Variants in PCDHGA3 observed in about 807,000 individuals in gnomAD.
The protein encoded by PCDHGA3 is protocadherin gamma subfamily A, 3.
In PCDHGA3, 40 loss-of-function variants were observed where a neutral mutation model predicts 58.5. That is an observed-to-expected ratio of 0.68 (90% CI 0.53 to 0.89). PCDHGA3 has a LOEUF of 0.89. PCDHGA3 is among the 40% of genes least tolerant of loss of function. The pLI is 0.00. For missense variants in PCDHGA3, 1,223 were observed against 1,195.9 expected, an observed-to-expected ratio of 1.02 and a Z score of -0.33; for synonymous variants, 530 against 525.7, an observed-to-expected ratio of 1.01 and a Z score of -0.11.
At chr5:141,410,849 C>CTTTTTCT (rs2095432763) in intron 1 of PCDHGA3, 1 of 129,786 alleles carries the variant, frequency 7.7e-6, no homozygotes, top group Non-Finnish European at 1.3e-5. Flanking sequence ...TTGTCTTTGT[C>CTTTTTCT]TTTTTTTTTT....
At chr5:141,480,781 G>A (rs2099525581) in intron 1 of PCDHGA3, among the ~76,000 whole-genome samples, 1 of 152,174 alleles carries the variant, frequency 6.6e-6, no homozygotes, top group Admixed American at 6.5e-5. Flanking sequence ...CTAATGTGCA[G>A]ACAAATTTGA....
At chr5:141,402,788 C>A in intron 1 of PCDHGA3, 1 of 937,148 alleles carries the variant, frequency 1.1e-6, no homozygotes, top group Non-Finnish European at 1.5e-6. Flanking sequence ...AGTTCTGCGG[C>A]TACACAAAAC....
At chr5:141,448,000 C>T (rs1363676731) in intron 1 of PCDHGA3, among the ~76,000 whole-genome samples, 3 of 151,840 alleles carry the variant, frequency 2.0e-5, no homozygotes, top group Non-Finnish European at 4.4e-5. Flanking sequence ...GCATGAGAAT[C>T]GCTTGAACCC....
rs765534200 is a variant in PCDHGA3 at position 141,410,067 on chromosome 5, G to A, written c.2424+63610G>A. 8.1e-6 allele frequency: 13 copies of A among 1,612,846 alleles called. No individual in the cohort carries two copies. In the South Asian group the frequency reaches 1.3e-4, roughly 16 times the overall value. ...CCCGGACTCTTCAGCCTGGGGCTGC[G>A]CACTGGGGAGGTGCGCACGGCTCGA... is the stretch of plus-strand genomic sequence containing the variant. On this transcript the variant is annotated intron_variant, in intron 1 of 3. Transcript: ENST00000253812.
In PCDHGA3 at chr5:141,422,062, A is replaced by G. The variant is rs776838280; in HGVS notation, c.2425-72745A>G. The G allele has an allele frequency of 1.2e-6, 2 of 1,612,022 alleles. No individual in the cohort carries two copies. The highest frequency in any genetic ancestry group is 2.7e-5 in the African/African-American group (2 of 74,802). ...AGACGAGGGAATCAACGGGGAAGTAATGTATTCATTTCGGAACATGGAAAG... is the reference window on the plus strand; with the variant it reads ...AGACGAGGGAATCAACGGGGAAGTAGTGTATTCATTTCGGAACATGGAAAG... On this transcript the variant is annotated intron_variant, in intron 1 of 3. Transcript: ENST00000253812.
intron 1 of PCDHGA3, chr5:141,418,610 C>T: frequency 6.2e-7 from 1 of 1,614,054 alleles, no homozygotes; most frequent in Non-Finnish European, 8.5e-7. Context: ...CAGGGTTAGC[C>T]TTCGGGAAGA....
Position 141,385,136 on chromosome 5 carries a change from T to C in PCDHGA3, c.2424+38679T>C, listed in dbSNP as rs760226388. The C allele has an allele frequency of 1.2e-6, 2 of 1,614,180 alleles. No individual in the cohort carries two copies. Among genetic ancestry groups the C allele is most frequent in the Middle Eastern group, 1.6e-4 (1 of 6,062 alleles). ...TCGCACTTTGTGGGCATGGACGGGG[T>C]GCAGGCTTTCCTGCAGACCTATTCC... On this transcript the variant is annotated intron_variant, in intron 1 of 3. Transcript: ENST00000253812.
At chr5:141,494,223 C>T (rs1435042163) in intron 1 of PCDHGA3, among the ~76,000 whole-genome samples, 2 of 152,192 alleles carry the variant, frequency 1.3e-5, no homozygotes, top group African/African-American at 4.8e-5. Context: ...TGGCATGACT[C>T]CTAAATTAAT....
intron 1 of PCDHGA3, among the ~76,000 whole-genome samples, chr5:141,425,336 G>A (rs2096868804): frequency 6.6e-6 from 1 of 152,182 alleles, no homozygotes; most frequent in South Asian, 2.1e-4. Flanking sequence ...CAAAAAGGAA[G>A]GGTTGGCTTT....
Position 141,344,683 on chromosome 5 carries a change from G to C in PCDHGA3, c.650G>C (p.Gly217Ala). 2 of 1,613,978 alleles carry C rather than the reference G, an allele frequency of 1.2e-6. No individual in the cohort carries two copies. Among genetic ancestry groups the C allele is most frequent in the Non-Finnish European group, 1.7e-6 (2 of 1,179,902 alleles). The change falls in exon 1 of 4, where the codon GGT becomes GCT. Residue 217 changes from glycine (G) to alanine (A), a missense_variant. Physicochemically the swap from Gly to Ala is moderately conservative, Grantham distance 60. Around this residue, in one of 3 missense-constraint regions of PCDHGA3, gnomAD observed 791 missense variants for 708.5 expected, o/e 1.12. Coordinates refer to ENST00000253812, the MANE Select transcript of PCDHGA3 (RefSeq NM_018916.4). ...CAGCTTGTCCTGGTTGCCTCTGATG[G>C]TGGCGACCCTGTCCACTCTGGCAAC... ...IHQLVLVASD[G>A]GDPVHSGNLH... is the part of the protein sequence containing the mutation.
At chr5:141,438,957 CACCCTGCCA>C (rs1022731551) in intron 1 of PCDHGA3, among the ~76,000 whole-genome samples, 2 of 152,144 alleles carry the variant, frequency 1.3e-5, no homozygotes, top group East Asian at 3.9e-4. Flanking sequence ...TGAGCCACCG[CACCCTGCCA>C]ACTGTCTGAC....
intron 1 of PCDHGA3, among the ~76,000 whole-genome samples, chr5:141,437,076 A>G (rs1018228245): frequency 6.6e-6 from 1 of 152,236 alleles, no homozygotes; most frequent in African/African-American, 2.4e-5. Flanking sequence ...TTTGGGCCAT[A>G]TAAGAATTGA....
At chr5:141,460,546 C>A (rs182506898) in intron 1 of PCDHGA3, among the ~76,000 whole-genome samples, 51 of 152,152 alleles carry the variant, frequency 3.4e-4, no homozygotes, top group African/African-American at 1.1e-3. Context: ...GCACCTTAAT[C>A]AAAAATCATT....
chr5:141,442,047 G>A (rs186626119), intron 1 of PCDHGA3: 64 of 202,912 alleles, frequency 3.2e-4, no homozygotes, highest in Admixed American at 9.3e-4. Context: ...GCGCCTACTG[G>A]TCGCGGTGCA....
At position 141,393,312 on chromosome 5, in the gene PCDHGA3, C is replaced by T. The variant is rs1308410982; in HGVS notation, c.2424+46855C>T. 8 of 1,613,494 alleles carry T rather than the reference C, an allele frequency of 5.0e-6. No homozygotes were observed. The East Asian group carries it at 8.9e-5, about 18-fold the overall frequency. On this transcript the variant is annotated intron_variant, in intron 1 of 3. Coordinates refer to ENST00000253812, the MANE Select transcript of PCDHGA3 (RefSeq NM_018916.4). ...TGACCCGGATGTGGGCGTGAACTCC[C>T]TCCAGAGCTACCAGCTCAGCCCCAA... is the stretch of plus-strand genomic sequence containing the variant.
At chr5:141,371,306 TG>T in intron 1 of PCDHGA3, 1 of 1,613,950 alleles carries the variant, frequency 6.2e-7, no homozygotes, top group Non-Finnish European at 8.5e-7. Flanking sequence ...TCACCACTAT[TG>T]GAGAACTGGA....
At chr5:141,375,214 C>G in intron 1 of PCDHGA3, 1 of 1,613,810 alleles carries the variant, frequency 6.2e-7, no homozygotes. Flanking sequence ...GAGACTCTGG[C>G]CTGAATGGCC....
intron 1 of PCDHGA3, chr5:141,384,102 T>G (rs1156310174): frequency 1.3e-6 from 2 of 1,599,484 alleles, no homozygotes; most frequent in Admixed American, 3.4e-5. Flanking sequence ...TAGATAATTA[T>G]TATAGATTGG....
rs772659046 is a variant in PCDHGA3 at position 141,426,970 on chromosome 5, A to C, written c.2425-67837A>C. On this transcript the variant is annotated intron_variant, in intron 1 of 3. Coordinates refer to ENST00000253812, the MANE Select transcript of PCDHGA3 (RefSeq NM_018916.4). Reference sequence around the variant, plus strand: ...ACTGGCACTGCTGCAATTCAAATTGAGGTCACTGATGCCAACGATAATGCC... The same window carrying C: ...ACTGGCACTGCTGCAATTCAAATTGCGGTCACTGATGCCAACGATAATGCC... 72 of 456,624 alleles carry C rather than the reference A, an allele frequency of 1.6e-4. No homozygotes were observed. In the Middle Eastern group the frequency reaches 1.6e-3, roughly 10 times the overall value. The allele number at this position is 456,624 out of a possible 1,614,324, so 28.3% of individuals were successfully genotyped here. A position where few individuals can be genotyped will look rare whatever the true frequency, so the allele number is the denominator to read the frequency against.
Sources: gnomAD v4.1 joint callset for allele counts (sites outside exome capture counted in the v4.1 genomes callset) on GRCh38, gnomAD v4.1.1 for gene constraint, gnomAD v4.1.1 regional missense constraint, MANE v1.5 for transcripts, NCBI Gene and HGNC (gene_info 2026-07-23, HGNC 2026-07-21) for gene names.